CYS1: variants seen among roughly 807,000 people sequenced by gnomAD.
CYS1 encodes cystin 1.
In CYS1, 5 loss-of-function variants were observed where a neutral mutation model predicts 9.6. That is an observed-to-expected ratio of 0.52 (90% CI 0.27 to 1.10). CYS1 has a LOEUF of 1.10. Ranked by LOEUF, CYS1 falls within the 50% of genes least tolerant of loss-of-function variation. The pLI, the probability that CYS1 is intolerant of heterozygous loss-of-function variation, is 0.11. For missense variants in CYS1, 221 were observed against 207.9 expected (o/e 1.06, Z -0.39); for synonymous variants, 88 against 95.7 (o/e 0.92, Z 0.47).
At position 10,080,297 on chromosome 2, in the gene CYS1, G is replaced by A. The variant is rs1661930128; in HGVS notation, c.-74C>T. 5 of 934,874 alleles carry A rather than the reference G, an allele frequency of 5.3e-6. No homozygotes were observed. In the South Asian group the frequency reaches 2.0e-4, roughly 37 times the overall value. The allele number at this position is 934,874 out of a possible 1,614,324, so 57.9% of individuals were successfully genotyped here. ...CGCGGCCGGGGGCGGGGACGCTAGG[G>A]GGTGCGGCCGGGGCGGGCTGCAGGG... On this transcript the variant is annotated 5_prime_UTR_variant, in exon 1 of 3. Coordinates refer to ENST00000381813, the MANE Select transcript of CYS1 (RefSeq NM_001037160.3). The surrounding 1 kb of genome is among the most constrained non-coding windows in gnomAD (Gnocchi z 6.4).
At chr2:10,059,264 C>G (rs1386203892) in intron 2 of CYS1, among the ~76,000 whole-genome samples, 1 of 152,264 alleles carries the variant, frequency 6.6e-6, no homozygotes, top group Non-Finnish European at 1.5e-5. Context: ...CTCACCCGCG[C>G]GCCTCAGGCA....
At chr2:10,078,914 G>A (rs1380219416) in intron 1 of CYS1, among the ~76,000 whole-genome samples, 1 of 152,192 alleles carries the variant, frequency 6.6e-6, no homozygotes, top group Non-Finnish European at 1.5e-5. Flanking sequence ...AGTTTCCAAA[G>A]CACTTGAAAA....
In CYS1 at chr2:10,065,997, A is replaced by G. The variant is rs570328700; in HGVS notation, c.319-41T>C. On this transcript the variant is annotated intron_variant, in intron 1 of 2. Transcript: ENST00000381813. ...ATGAAGAGACATTCAAAGATTGTCA[A>G]CAGTGCAGCCTGCCTAAGGCTTTGG... The G allele has an allele frequency of 4.3e-6, 7 of 1,611,650 alleles. No homozygotes were observed. The South Asian group carries it at 6.6e-5, about 15-fold the overall frequency.
At chr2:10,064,341 AG>A (rs1232392595) in intron 2 of CYS1, among the ~76,000 whole-genome samples, 3 of 152,238 alleles carry the variant, frequency 2.0e-5, no homozygotes, top group Non-Finnish European at 4.4e-5. Context: ...GTGCACGTGT[AG>A]AAGTCAGAAG....
rs935279330 is a variant in CYS1 at position 10,079,805 on chromosome 2, A to T, written c.318+101T>A. On this transcript the variant is annotated intron_variant, in intron 1 of 2. Coordinates refer to ENST00000381813, the MANE Select transcript of CYS1 (RefSeq NM_001037160.3). ...GGGAGCACGCAAGTCGGAGGCTGGA[A>T]GGGGGCGCAGCGCGACCGGCGCCCA... The T allele has an allele frequency of 1.2e-5, 9 of 730,316 alleles. No homozygotes were observed. In the African/African-American group the frequency reaches 1.7e-4, roughly 14 times the overall value. The allele number at this position is 730,316 out of a possible 1,614,324, so 45.2% of individuals were successfully genotyped here. A position where few individuals can be genotyped will look rare whatever the true frequency, so the allele number is the denominator to read the frequency against.
At chr2:10,078,503 C>T (rs1316377820) in intron 1 of CYS1, among the ~76,000 whole-genome samples, 1 of 152,230 alleles carries the variant, frequency 6.6e-6, no homozygotes, top group Non-Finnish European at 1.5e-5. Context: ...GCCCTGGGCA[C>T]CAGCTGCCCC....
rs1474801289 is a variant in CYS1, at chr2:10,080,158, G to A, written c.66C>T (p.Pro22=). 9.5e-7 allele frequency: 1 copy of A among 1,055,894 alleles called. No individual in the cohort carries two copies. Among genetic ancestry groups the A allele is most frequent in the Non-Finnish European group, 1.1e-6 (1 of 877,856 alleles). The allele number at this position is 1,055,894 out of a possible 1,614,324, so 65.4% of individuals were successfully genotyped here. A position where few individuals can be genotyped will look rare whatever the true frequency, so the allele number is the denominator to read the frequency against. ...LRRRRSPESL[P]AGPGAAALEG... ...CCAGGGCTGCCGCTCCGGGCCCCGC[G>A]GGGAGGCTCTCGGGGCTGCGCCGCC... The change falls in exon 1 of 3, where the codon CCC becomes CCT. Residue 22 remains proline (P), a synonymous_variant. Coordinates refer to ENST00000381813, the MANE Select transcript of CYS1 (RefSeq NM_001037160.3). The surrounding 1 kb of genome is among the most constrained non-coding windows in gnomAD (Gnocchi z 6.4).
At chr2:10,071,400 C>T (rs866408341) in intron 1 of CYS1, among the ~76,000 whole-genome samples, 4 of 152,190 alleles carry the variant, frequency 2.6e-5, no homozygotes, top group East Asian at 1.9e-4. Context: ...GAATGCCTGG[C>T]GTAGGGACCT....
At chr2:10,078,280 A>T (rs919196436) in intron 1 of CYS1, among the ~76,000 whole-genome samples, 1 of 151,330 alleles carries the variant, frequency 6.6e-6, no homozygotes, top group Non-Finnish European at 1.5e-5. Flanking sequence ...TCCCCCACCC[A>T]CTCACACAGG....
intron 1 of CYS1, among the ~76,000 whole-genome samples, chr2:10,075,037 G>A (rs1289351666): frequency 3.3e-5 from 5 of 152,078 alleles, no homozygotes; most frequent in African/African-American, 4.8e-5. Flanking sequence ...GCTGGAACCC[G>A]GGAGGCGGAG....
At chr2:10,066,426 C>T (rs772471512) in intron 1 of CYS1, among the ~76,000 whole-genome samples, 16 of 152,218 alleles carry the variant, frequency 1.1e-4, no homozygotes, top group African/African-American at 2.9e-4. Flanking sequence ...AGGAACCACG[C>T]GACCCCGACC....
At position 10,080,393 on chromosome 2, in the gene CYS1, G is replaced by A; in HGVS notation, c.-170C>T. The A allele has an allele frequency of 4.5e-6, 1 of 223,192 alleles. No individual in the cohort carries two copies. Among genetic ancestry groups the A allele is most frequent in the Non-Finnish European group, 7.6e-6 (1 of 130,918 alleles). 13.8% of individuals were successfully genotyped at this position (223,192 alleles called of 1,614,324 possible). On this transcript the variant is annotated 5_prime_UTR_variant, in exon 1 of 3. Coordinates refer to ENST00000381813, the MANE Select transcript of CYS1 (RefSeq NM_001037160.3). This position sits in a 1 kb window ranked among gnomAD's most constrained non-coding sequence, Gnocchi z 6.4. ...GGGTTCCCGGGCGGGGGTCGCGGCC[G>A]GAGGACGGGGGTGCGAGCCGGAGCC... is the stretch of plus-strand genomic sequence containing the variant.
Position 10,057,789 on chromosome 2 carries a change from G to A in CYS1, c.*1064C>T. The A allele has an allele frequency of 6.6e-6, 1 of 152,532 alleles. No individual in the cohort carries two copies. The highest frequency in any genetic ancestry group is 3.4e-3 in the Middle Eastern group (1 of 296). 9.4% of individuals were successfully genotyped at this position (152,532 alleles called of 1,614,324 possible). ...CCCAGCAGGCCACACCTGGGCCCAG[G>A]CTCCAGACCTGCCCGCCCACACAGG... is the stretch of plus-strand genomic sequence containing the variant. On this transcript the variant is annotated 3_prime_UTR_variant, in exon 3 of 3. Transcript: ENST00000381813.
At chr2:10,060,198 C>A (rs1661607992) in intron 2 of CYS1, among the ~76,000 whole-genome samples, 3 of 152,234 alleles carry the variant, frequency 2.0e-5, no homozygotes, top group Non-Finnish European at 4.4e-5. Context: ...TGCTGCCCTC[C>A]CAGTGGCCAG....
At chr2:10,079,143 G>A (rs575238484) in intron 1 of CYS1, among the ~76,000 whole-genome samples, 51 of 152,038 alleles carry the variant, frequency 3.4e-4, no homozygotes, top group African/African-American at 1.2e-3. Context: ...TCTGTGCACT[G>A]TCGCCTGGGG....
intron 1 of CYS1, among the ~76,000 whole-genome samples, chr2:10,073,430 G>A (rs899919496): frequency 1.3e-5 from 2 of 152,168 alleles, no homozygotes; most frequent in African/African-American, 4.8e-5. Flanking sequence ...TCCTTGCTGG[G>A]CCCCAAAGTC....
At chr2:10,059,618 C>T (rs917846526) in intron 2 of CYS1, among the ~76,000 whole-genome samples, 5 of 152,146 alleles carry the variant, frequency 3.3e-5, no homozygotes, top group Non-Finnish European at 7.3e-5. Flanking sequence ...GGCTTGAACC[C>T]AGGAAGTGGA....
At chr2:10,073,602 C>A (rs1446734733) in intron 1 of CYS1, among the ~76,000 whole-genome samples, 2 of 151,950 alleles carry the variant, frequency 1.3e-5, no homozygotes, top group Admixed American at 6.6e-5. Context: ...GGGCAGGGGG[C>A]TGCTTTCCCT....
At chr2:10,078,608 A>C (rs1187422800) in intron 1 of CYS1, among the ~76,000 whole-genome samples, 2 of 152,174 alleles carry the variant, frequency 1.3e-5, no homozygotes, top group Admixed American at 6.5e-5. Context: ...ACAACTTCCA[A>C]ATTCATCCCT....
Sources: allele counts gnomAD v4.1 joint callset (sites outside exome capture counted in the v4.1 genomes callset), GRCh38; gene constraint gnomAD v4.1.1; non-coding constraint Gnocchi (gnomAD v3.1); transcripts MANE v1.5; gene names NCBI Gene and HGNC (gene_info 2026-07-23, HGNC 2026-07-21).